Variants in FBXL17 observed in about 807,000 individuals in gnomAD.
The protein encoded by FBXL17 is F-box/LRR-repeat protein 17.
FBXL17 carries 22 observed loss-of-function variants against 66.2 expected under a neutral mutation model. The observed-to-expected ratio is 0.33, with a 90% CI of 0.24 to 0.47. FBXL17 has a LOEUF of 0.47. Ranked by LOEUF, FBXL17 falls within the 20% of genes least tolerant of loss-of-function variation. The probability of loss-of-function intolerance (pLI) is 1.00; values close to 1 mark genes in which losing one functional copy is unlikely to be tolerated. For synonymous variants in FBXL17, 474 were observed against 400.5 expected (o/e 1.18, Z -2.19); for missense variants, 878 against 948.2 (o/e 0.93, Z 0.97).
intron 4 of FBXL17, among the ~76,000 whole-genome samples, chr5:108,313,164 T>C (rs1467427047): frequency 6.6e-6 from 1 of 152,110 alleles, no homozygotes; most frequent in Non-Finnish European, 1.5e-5. Context: ...AAAGTAGAGA[T>C]TCATCTAATA....
intron 7 of FBXL17, among the ~76,000 whole-genome samples, chr5:107,983,471 G>A (rs1752902108): frequency 6.6e-6 from 1 of 151,868 alleles, no homozygotes; most frequent in Non-Finnish European, 1.5e-5. Context: ...TGAGATAACA[G>A]GCATGAGCCA....
intron 3 of FBXL17, among the ~76,000 whole-genome samples, chr5:108,356,479 T>C (rs939025711): frequency 2.0e-5 from 3 of 152,038 alleles, no homozygotes; most frequent in African/African-American, 7.2e-5. Flanking sequence ...TAACAGGCAA[T>C]AGGATATTAT....
At chr5:108,036,884 A>C (rs1746862494) in intron 6 of FBXL17, among the ~76,000 whole-genome samples, 1 of 152,202 alleles carries the variant, frequency 6.6e-6, no homozygotes, top group Admixed American at 6.5e-5. Context: ...AGAATATTTC[A>C]ACAAAGTAGG....
chr5:107,937,809 G>T (rs2112584616), intron 7 of FBXL17, among the ~76,000 whole-genome samples: 1 of 152,248 alleles, frequency 6.6e-6, no homozygotes, highest in East Asian at 1.9e-4. Flanking sequence ...GATTACAGGG[G>T]TCACTGGCAG....
intron 7 of FBXL17, among the ~76,000 whole-genome samples, chr5:107,981,600 G>C (rs2112672130): frequency 6.6e-6 from 1 of 152,330 alleles, no homozygotes; most frequent in South Asian, 2.1e-4. Context: ...TGGTCTAACG[G>C]AACACTTCTC....
chr5:108,218,986 G>A (rs1007529915), intron 5 of FBXL17, among the ~76,000 whole-genome samples: 33 of 152,120 alleles, frequency 2.2e-4, no homozygotes, highest in African/African-American at 7.7e-4. Context: ...GCTTTTCTGG[G>A]ATAAACTCTA....
chr5:108,164,305 TA>T lies in FBXL17; in HGVS notation c.1745+21811del, dbSNP rs1226221554. Among the ~76,000 whole-genome samples, 5 of 152,170 alleles carry T rather than the reference TA, an allele frequency of 3.3e-5. No individual in the cohort carries two copies. In the East Asian group the frequency reaches 9.6e-4, roughly 29 times the overall value. ...ATCAGAAGGTTTGTTCCTGTTAGAA[TA>T]AAAAACAAGTAGAACAAACTTCATT... On this transcript the variant is annotated intron_variant, in intron 6 of 8. Coordinates refer to ENST00000542267, the MANE Select transcript of FBXL17 (RefSeq NM_001163315.3).
chr5:107,898,223 A>T (rs1749446516), intron 7 of FBXL17, among the ~76,000 whole-genome samples: 1 of 152,112 alleles, frequency 6.6e-6, no homozygotes, highest in African/African-American at 2.4e-5. Context: ...CAAATGGTGG[A>T]AGAAGAATTG....
intron 5 of FBXL17, among the ~76,000 whole-genome samples, chr5:108,206,279 T>C (rs1286520809): frequency 1.3e-5 from 2 of 152,230 alleles, no homozygotes; most frequent in Admixed American, 6.5e-5. Context: ...AGGATAAATA[T>C]GTGATTCTCA....
chr5:107,970,809 C>T (rs547851626), intron 7 of FBXL17, among the ~76,000 whole-genome samples: 12 of 152,328 alleles, frequency 7.9e-5, no homozygotes, highest in African/African-American at 1.2e-4. Context: ...TGTGCTCCCA[C>T]GGCCTTCACC....
intron 7 of FBXL17, among the ~76,000 whole-genome samples, chr5:107,889,847 T>C (rs1749134124): frequency 6.6e-6 from 1 of 152,172 alleles, no homozygotes; most frequent in African/African-American, 2.4e-5. Context: ...TGATTGAGTA[T>C]GTAGAAATGA....
intron 6 of FBXL17, among the ~76,000 whole-genome samples, chr5:108,153,492 A>C (rs190818476): frequency 6.6e-6 from 1 of 152,282 alleles, no homozygotes; most frequent in South Asian, 2.1e-4. Flanking sequence ...AATAAACCTG[A>C]TATTAAATAT....
At position 108,380,940 on chromosome 5, in the gene FBXL17, G is replaced by C. The variant is rs1435852780; in HGVS notation, c.752C>G (p.Pro251Arg). 8.2e-7 allele frequency: 1 copy of C among 1,221,610 alleles called. No individual in the cohort carries two copies. The highest frequency in any genetic ancestry group is 1.0e-6 in the Non-Finnish European group (1 of 979,290). 75.7% of individuals were successfully genotyped at this position (1,221,610 alleles called of 1,614,324 possible). Residue 251 changes from proline (P) to arginine (R), a missense_variant, in exon 1 of 9, where the codon CCG becomes CGG. This residue lies in a region of FBXL17 where 605 missense variants were observed against 509.5 expected (regional missense o/e 1.19). Transcript: ENST00000542267. ...GCAGAGCGGCTGCGGGGGCTGCTCC[G>C]GGGCCTGGCAGCAGCCGGCGTCGGG... is the stretch of plus-strand genomic sequence containing the variant. ...RPPDAGCCQA[P>R]EQPPQPLCPP...
intron 7 of FBXL17, among the ~76,000 whole-genome samples, chr5:107,956,439 A>G (rs1296623714): frequency 6.6e-6 from 1 of 152,194 alleles, no homozygotes; most frequent in Non-Finnish European, 1.5e-5. Flanking sequence ...CTTGCTTTCT[A>G]AAAGTGTAAG....
chr5:108,315,623 AAAAG>A (rs1427334247), intron 4 of FBXL17, among the ~76,000 whole-genome samples: 61 of 151,430 alleles, frequency 4.0e-4, no homozygotes, highest in African/African-American at 1.4e-3. Context: ...TTGTTAAAAA[AAAAG>A]AGAGAAAAAA....
intron 6 of FBXL17, among the ~76,000 whole-genome samples, chr5:108,096,277 T>C (rs1749364498): frequency 6.6e-6 from 1 of 152,228 alleles, no homozygotes; most frequent in Admixed American, 6.5e-5. Flanking sequence ...TAATTCATTA[T>C]CAATAACATT....
intron 4 of FBXL17, among the ~76,000 whole-genome samples, chr5:108,252,320 C>T (rs1756392669): frequency 6.6e-6 from 1 of 151,878 alleles, no homozygotes; most frequent in Non-Finnish European, 1.5e-5. Context: ...TAAGTGTATT[C>T]AGAGCAATTA....
chr5:108,354,760 T>C (rs1747866674), intron 3 of FBXL17, among the ~76,000 whole-genome samples: 1 of 149,124 alleles, frequency 6.7e-6, no homozygotes. Flanking sequence ...GTAAGAAATC[T>C]AGAAAGAAGC....
rs59231167 is a variant in FBXL17 at position 108,087,704 on chromosome 5, GA to G, written c.1746-66704del. ...CTTTCACATTATAAAAACATAAGCA[GA>G]AAAAAAAAGCAATTAAATACATATG... On this transcript the variant is annotated intron_variant, in intron 6 of 8. Coordinates refer to ENST00000542267, the MANE Select transcript of FBXL17 (RefSeq NM_001163315.3). Among the ~76,000 whole-genome samples, 346 of 148,844 alleles carry G rather than the reference GA, an allele frequency of 2.3e-3. 4 individuals are homozygous for G. The highest frequency in any genetic ancestry group is 7.8e-3 in the African/African-American group (316 of 40,420).
Sources: gnomAD v4.1 joint callset for allele counts (sites outside exome capture counted in the v4.1 genomes callset) on GRCh38, gnomAD v4.1.1 for gene constraint, gnomAD v4.1.1 regional missense constraint, MANE v1.5 for transcripts, NCBI Gene and HGNC (gene_info 2026-07-23, HGNC 2026-07-21) for gene names.